Variants in ARL10 observed in about 807,000 individuals in gnomAD.
ARL10 encodes ARF like GTPase 10.
Under a neutral mutation model 26.1 loss-of-function variants are expected in ARL10, and 23 were observed. That is an observed-to-expected ratio of 0.88 (90% confidence interval 0.63 to 1.25). ARL10 has a LOEUF of 1.25. Ranked by LOEUF, ARL10 falls within the 50% of genes most tolerant of loss-of-function variation. ARL10 has a pLI of 0.00. For synonymous variants in ARL10, 138 were observed against 149.1 expected, an observed-to-expected ratio of 0.93 and a Z score of 0.54; for missense variants, 300 against 323.6, an observed-to-expected ratio of 0.93 and a Z score of 0.56.
At chr5:176,387,018 T>C (rs947503299) in intron 1 of ARL10, 2 of 927,548 alleles carry the variant, frequency 2.2e-6, no homozygotes, top group African/African-American at 3.3e-5. Flanking sequence ...CTGCCCACGG[T>C]TAGGTAGAAG....
rs1561777188 is a variant in ARL10 at position 176,378,737 on chromosome 5, T to TGTGGCTCACGCCGGGCGTG, written c.*6848_*6866dup. The TGTGGCTCACGCCGGGCGTG allele has an allele frequency of 6.6e-6, 1 of 152,140 alleles. No homozygotes were observed. Among genetic ancestry groups the TGTGGCTCACGCCGGGCGTG allele is most frequent in the Non-Finnish European group, 1.5e-5 (1 of 68,006 alleles). The allele number at this position is 152,140 out of a possible 1,614,324, so 9.4% of individuals were successfully genotyped here. On this transcript the variant is annotated 3_prime_UTR_variant, in exon 4 of 4. Coordinates refer to ENST00000310389, the MANE Select transcript of ARL10 (RefSeq NM_173664.6). Reference sequence around the variant, plus strand: ...ATAATTTCAAATGGGGGCCGGGCGCTGTGGCTCACGCCGGGCGTGGTGGCA... The same window carrying TGTGGCTCACGCCGGGCGTG: ...ATAATTTCAAATGGGGGCCGGGCGCTGTGGCTCACGCCGGGCGTGGTGGCTCACGCCGGGCGTGGTGGCA...
At chr5:176,390,182 C>CAA (rs60632467), downstream of ARL10, among the ~76,000 whole-genome samples, 652 of 65,048 alleles carry the variant, frequency 0.01, 21 homozygotes, top group African/African-American at 0.028. Context: ...AACTCCATCT[C>CAA]AAAAAAAAAA....
At chr5:176,402,627 C>T (rs930981507), downstream of ARL10, among the ~76,000 whole-genome samples, 4 of 152,234 alleles carry the variant, frequency 2.6e-5, no homozygotes, top group Non-Finnish European at 5.9e-5. Flanking sequence ...CCATACAGCA[C>T]CCAGCACCGG....
the ARL10 span, among the ~76,000 whole-genome samples, chr5:176,414,151 C>A: frequency 4.6e-5 from 7 of 152,208 alleles, no homozygotes; most frequent in Non-Finnish European, 7.3e-5. Flanking sequence ...GACCTCCCCA[C>A]AAGGCCTCCC....
chr5:176,371,942 A>ACTG lies in ARL10; in HGVS notation c.*56_*58dup. ...ACCTGCCTGTCAAGACCATAGTTGT[A>ACTG]CTGCTGCTGCTTCATTGCCAGACTG... On this transcript the variant is annotated 3_prime_UTR_variant, in exon 4 of 4. Coordinates refer to ENST00000310389, the MANE Select transcript of ARL10 (RefSeq NM_173664.6). 1 of 1,588,084 alleles carries ACTG rather than the reference A, an allele frequency of 6.3e-7. No individual in the cohort carries two copies. The highest frequency in any genetic ancestry group is 8.6e-7 in the Non-Finnish European group (1 of 1,165,418).
chr5:176,399,910 G>C (rs1756730350), intron 1 of ARL10, among the ~76,000 whole-genome samples: 1 of 147,474 alleles, frequency 6.8e-6, no homozygotes, highest in Non-Finnish European at 1.5e-5. Flanking sequence ...AATGGGAATA[G>C]ACCGGGCACA....
downstream of ARL10, chr5:176,405,489 C>CAAAAAAAAAA (rs988554368): frequency 1.9e-5 from 1 of 52,232 alleles, no homozygotes; most frequent in African/African-American, 8.7e-5. Context: ...CCCTGTCTCT[C>CAAAAAAAAAA]AAAAAAAAAA....
Position 176,378,584 on chromosome 5 carries a change from G to A in ARL10, c.*6689G>A, listed in dbSNP as rs1490999037. The stretch of plus-strand genomic sequence containing the variant: ...GTCTGCTATGTATATAGCATTTTCT[G>A]ATTTCCCTTTAGCTATATGATAAGC... On this transcript the variant is annotated 3_prime_UTR_variant, in exon 4 of 4. Transcript: ENST00000310389. The A allele has an allele frequency of 6.6e-6, 1 of 152,238 alleles. No homozygotes were observed. The highest frequency in any genetic ancestry group is 2.4e-5 in the African/African-American group (1 of 41,462). 9.4% of individuals were successfully genotyped at this position (152,238 alleles called of 1,614,324 possible).
the ARL10 span, chr5:176,410,307 G>A: frequency 6.2e-7 from 1 of 1,613,702 alleles, no homozygotes; most frequent in South Asian, 1.1e-5. Flanking sequence ...GAACCAGCTG[G>A]AAAGAGAACA....
downstream of ARL10, chr5:176,389,696 C>G (rs1242967832): frequency 1.4e-5 from 7 of 514,004 alleles, no homozygotes; most frequent in Non-Finnish European, 2.4e-5. Flanking sequence ...TTACATACTT[C>G]TATTTGTGCC....
At position 176,368,467 on chromosome 5, in the gene ARL10, G is replaced by T. The variant is rs897664402; in HGVS notation, c.386-340G>T. ...GTGTCAGTCCCGTGAAAGGTACATC[G>T]CACGTGGTACCTGTGGGTTTTACTG... On this transcript the variant is annotated intron_variant, in intron 2 of 3. Coordinates refer to ENST00000310389, the MANE Select transcript of ARL10 (RefSeq NM_173664.6). The surrounding 1 kb of genome is among the most constrained non-coding windows in gnomAD (Gnocchi z 4.1). 2.0e-5 allele frequency among the ~76,000 whole-genome samples: 3 copies of T among 152,078 alleles called. No individual in the cohort carries two copies. Among genetic ancestry groups the T allele is most frequent in the Non-Finnish European group, 4.4e-5 (3 of 68,022 alleles).
At chr5:176,385,168 G>T (rs765163380), downstream of ARL10, 1 of 1,003,228 alleles carries the variant, frequency 1.0e-6, no homozygotes, top group Non-Finnish European at 1.6e-6. Context: ...AGATCAAGCC[G>T]CGAATGGTCC....
chr5:176,406,921 G>A, the ARL10 span, among the ~76,000 whole-genome samples: 2 of 152,170 alleles, frequency 1.3e-5, no homozygotes, highest in Non-Finnish European at 2.9e-5. Context: ...ACACCGGGTC[G>A]GAGCCCAGGA....
intron 1 of ARL10, among the ~76,000 whole-genome samples, chr5:176,394,321 C>A (rs572713786): frequency 1.3e-5 from 2 of 152,338 alleles, no homozygotes; most frequent in African/African-American, 4.8e-5. Context: ...GCCTCCCCAC[C>A]GTCCTGCTGA....
chr5:176,398,871 G>T (rs866688229), intron 1 of ARL10, among the ~76,000 whole-genome samples: 2 of 151,686 alleles, frequency 1.3e-5, no homozygotes, highest in African/African-American at 4.8e-5. Flanking sequence ...GAGATGGAGT[G>T]TCCCTCTGTT....
intron 1 of ARL10, among the ~76,000 whole-genome samples, chr5:176,396,083 C>T (rs906789959): frequency 2.0e-5 from 3 of 152,074 alleles, no homozygotes; most frequent in South Asian, 2.1e-4. Flanking sequence ...CGCAGTGAGC[C>T]GAGATCGCAG....
In ARL10 at chr5:176,375,327, T is replaced by TCCAC. The variant is rs1561776127; in HGVS notation, c.*3435_*3436insCCCA. On this transcript the variant is annotated 3_prime_UTR_variant, in exon 4 of 4. Coordinates refer to ENST00000310389, the MANE Select transcript of ARL10 (RefSeq NM_173664.6). Reference sequence around the variant, plus strand: ...ATCCATCCATCCATCCATCCATCCATCCATCCATCATCCACCCATCCATCC... The same window carrying TCCAC: ...ATCCATCCATCCATCCATCCATCCATCCACCCATCCATCATCCACCCATCCATCC... 1 of 52,358 alleles carries TCCAC rather than the reference T, an allele frequency of 1.9e-5. No homozygotes were observed. The highest frequency in any genetic ancestry group is 4.6e-5 in the Non-Finnish European group (1 of 21,770). 3.2% of individuals were successfully genotyped at this position (52,358 alleles called of 1,614,324 possible).
chr5:176,388,956 A>AC (rs1287120702), downstream of ARL10: 5 of 1,614,004 alleles, frequency 3.1e-6, no homozygotes, highest in Non-Finnish European at 4.2e-6. Flanking sequence ...ACCCGCGAGA[A>AC]CCCGGTGGTA....
intron 3 of ARL10, among the ~76,000 whole-genome samples, chr5:176,371,251 T>C (rs1377122448): frequency 4.6e-5 from 7 of 152,200 alleles, no homozygotes; most frequent in African/African-American, 1.4e-4. Context: ...GGCTCACACC[T>C]GTAGTCCCAG....
Sources: gnomAD v4.1 joint callset for allele counts (sites outside exome capture counted in the v4.1 genomes callset) on GRCh38, gnomAD v4.1.1 for gene constraint, Gnocchi (gnomAD v3.1) non-coding constraint, MANE v1.5 for transcripts, NCBI Gene and HGNC (gene_info 2026-07-23, HGNC 2026-07-21) for gene names.